Variants in SLC45A2 observed in about 807,000 individuals in gnomAD.
SLC45A2 encodes solute carrier family 45 member 2, also known as membrane-associated transporter protein.
Under a neutral mutation model 45.5 loss-of-function variants are expected in SLC45A2, and 36 were observed. The observed-to-expected ratio is 0.79, with a 90% CI of 0.61 to 1.04. SLC45A2 has a LOEUF of 1.04. SLC45A2 is among the 50% of genes least tolerant of loss of function. The pLI, the probability that SLC45A2 is intolerant of heterozygous loss-of-function variation, is 0.00. For synonymous variants in SLC45A2, 306 were observed against 269.3 expected, an observed-to-expected ratio of 1.14 and a Z score of -1.33; for missense variants, 719 against 671.0, an observed-to-expected ratio of 1.07 and a Z score of -0.79.
intron 2 of SLC45A2, among the ~76,000 whole-genome samples, chr5:33,976,973 A>T (rs1205393241): frequency 6.6e-6 from 1 of 152,084 alleles, no homozygotes; most frequent in Non-Finnish European, 1.5e-5. Context: ...TCCTGTGTTG[A>T]TACTCTAACC....
At chr5:33,949,707 T>C (rs1468517590) in intron 5 of SLC45A2, among the ~76,000 whole-genome samples, 1 of 152,216 alleles carries the variant, frequency 6.6e-6, no homozygotes, top group East Asian at 1.9e-4. Context: ...AATAAAACTT[T>C]GGAAAACTAT....
chr5:33,945,817 G>C lies in SLC45A2; in HGVS notation c.1369-945C>G, dbSNP rs116232277. Reference sequence around the variant, plus strand: ...TTAGGCAAAAAAAAAGCATTATGCTGAAAAACGCATATTATCCTTTGAATA... The same window carrying C: ...TTAGGCAAAAAAAAAGCATTATGCTCAAAAACGCATATTATCCTTTGAATA... On this transcript the variant is annotated intron_variant, in intron 6 of 6. Coordinates refer to ENST00000296589, the MANE Select transcript of SLC45A2 (RefSeq NM_016180.5). The C allele has an allele frequency of 2.6e-3, 1,183 of 456,452 alleles. 4 individuals carry two copies. Among genetic ancestry groups the C allele is most frequent in the Middle Eastern group, 5.6e-3 (5 of 894 alleles). The allele number at this position is 456,452 out of a possible 1,614,324, so 28.3% of individuals were successfully genotyped here.
At chr5:33,975,405 A>C (rs1752898748) in intron 2 of SLC45A2, among the ~76,000 whole-genome samples, 1 of 152,208 alleles carries the variant, frequency 6.6e-6, no homozygotes, top group South Asian at 2.1e-4. Flanking sequence ...CGAATCTTGC[A>C]GGAGGGGTAG....
chr5:33,969,359 G>A (rs573279132), intron 2 of SLC45A2, among the ~76,000 whole-genome samples: 1 of 151,936 alleles, frequency 6.6e-6, no homozygotes, highest in African/African-American at 2.4e-5. Context: ...AAGCTGATCT[G>A]ATATTTCTTT....
chr5:33,962,581 C>G (rs546847671), intron 3 of SLC45A2, among the ~76,000 whole-genome samples: 1 of 152,230 alleles, frequency 6.6e-6, no homozygotes, highest in Admixed American at 6.5e-5. Flanking sequence ...CTAAACCCAA[C>G]AGCTTATTAT....
At chr5:33,951,981 C>T (rs1752115675) in intron 4 of SLC45A2, among the ~76,000 whole-genome samples, 1 of 152,180 alleles carries the variant, frequency 6.6e-6, no homozygotes, top group Non-Finnish European at 1.5e-5. Context: ...TCTTCTGCTA[C>T]AGCCAATCGG....
intron 3 of SLC45A2, among the ~76,000 whole-genome samples, chr5:33,960,648 T>C (rs535198443): frequency 1.1e-4 from 17 of 152,214 alleles, no homozygotes; most frequent in African/African-American, 4.1e-4. Flanking sequence ...AGACTACAAA[T>C]TGGGTGCAGT....
At chr5:33,950,325 G>T (rs1752061656) in intron 5 of SLC45A2, among the ~76,000 whole-genome samples, 1 of 152,218 alleles carries the variant, frequency 6.6e-6, no homozygotes, top group African/African-American at 2.4e-5. Flanking sequence ...TATTTTAAGT[G>T]CTTGAAATCT....
chr5:33,960,078 A>T (rs1486298833), intron 3 of SLC45A2, among the ~76,000 whole-genome samples: 2 of 152,126 alleles, frequency 1.3e-5, no homozygotes, highest in African/African-American at 4.8e-5. Flanking sequence ...GGTATCCTAG[A>T]TTGGATCAGA....
intron 4 of SLC45A2, among the ~76,000 whole-genome samples, chr5:33,952,593 G>T (rs1463479529): frequency 6.6e-6 from 1 of 151,616 alleles, no homozygotes; most frequent in African/African-American, 2.4e-5. Context: ...CCCCTTGGAA[G>T]ACTTTGCAGG....
At chr5:33,969,695 A>G (rs185583234) in intron 2 of SLC45A2, among the ~76,000 whole-genome samples, 1 of 152,280 alleles carries the variant, frequency 6.6e-6, no homozygotes, top group African/African-American at 2.4e-5. Context: ...GTGCACACAT[A>G]TTGGTAAATC....
At chr5:33,955,742 T>C (rs959213763) in intron 3 of SLC45A2, among the ~76,000 whole-genome samples, 4 of 152,214 alleles carry the variant, frequency 2.6e-5, no homozygotes, top group South Asian at 2.1e-4. Context: ...CAAAAATTTT[T>C]TGAAGCAATA....
intron 3 of SLC45A2, among the ~76,000 whole-genome samples, chr5:33,960,349 C>T (rs906608693): frequency 6.6e-6 from 1 of 151,674 alleles, no homozygotes; most frequent in Non-Finnish European, 1.5e-5. Flanking sequence ...GTTGGTTCCA[C>T]GTTTTTGCAA....
intron 2 of SLC45A2, among the ~76,000 whole-genome samples, chr5:33,969,063 C>CTGTGTGTGTGTG (rs1400585496): frequency 4.3e-4 from 27 of 62,852 alleles, no homozygotes; most frequent in African/African-American, 1.4e-3. Context: ...CTCTCTCTCT[C>CTGTGTGTGTGTG]TCTGTGTGTG....
In SLC45A2 at chr5:33,954,451, A is replaced by C; in HGVS notation, c.942T>G (p.Pro314=). The stretch of plus-strand genomic sequence containing the variant: ...TGATGCAAAGGTAGCGGTAGTGAGG[A>C]GGCATGTTCACCAGTGCTCTCAGCA... The part of the protein sequence containing the change: ...KSLLRALVNM[P]PHYRYLCISH... The change falls in exon 4 of 7, where the codon CCT becomes CCG. Residue 314 remains proline, a synonymous_variant. Transcript: ENST00000296589. 1 of 1,614,106 alleles carries C rather than the reference A, an allele frequency of 6.2e-7. No individual in the cohort carries two copies. The highest frequency in any genetic ancestry group is 8.5e-7 in the Non-Finnish European group (1 of 1,180,008).
At chr5:33,946,140 G>C in intron 6 of SLC45A2, 1 of 985,428 alleles carries the variant, frequency 1.0e-6, no homozygotes. Context: ...CTGAAGCGTA[G>C]GTTTTCTTCC....
intron 2 of SLC45A2, among the ~76,000 whole-genome samples, chr5:33,970,089 G>A (rs144030245): frequency 6.6e-6 from 1 of 152,184 alleles, no homozygotes; most frequent in Non-Finnish European, 1.5e-5. Flanking sequence ...CTGCAGACTA[G>A]AAGTCATCAG....
Position 33,947,302 on chromosome 5 carries a change from A to T in SLC45A2, c.1229T>A (p.Leu410Gln). Residue 410 changes from leucine (L) to glutamine (Q), a missense_variant, in exon 6 of 7, where the codon CTG becomes CAG. Coordinates refer to ENST00000296589, the MANE Select transcript of SLC45A2 (RefSeq NM_016180.5). ...GAAGAGCCCAATAAATCCCGTCCCC[A>T]GGCCAAACAGCAAATATCCCGTGAA... ...LYFTGYLLFG[L>Q]GTGFIGLFPN... 4.3e-6 allele frequency: 7 copies of T among 1,614,250 alleles called. No homozygotes were observed. The highest frequency in any genetic ancestry group is 5.9e-6 in the Non-Finnish European group (7 of 1,180,046).
Position 33,982,517 on chromosome 5 carries a change from T to C in SLC45A2, c.386-105A>G, listed in dbSNP as rs1378113414. ...GCCATAAAATCATCTTCCTTGCTTT[T>C]ATTTTGCTTTTTTCCAAATAAAAAT... On this transcript the variant is annotated intron_variant, in intron 1 of 6. Coordinates refer to ENST00000296589, the MANE Select transcript of SLC45A2 (RefSeq NM_016180.5). 8.4e-6 allele frequency: 10 copies of C among 1,189,582 alleles called. No homozygotes were observed. In the East Asian group the frequency reaches 2.0e-4, roughly 24 times the overall value. 73.7% of individuals were successfully genotyped at this position (1,189,582 alleles called of 1,614,324 possible).
Sources: allele counts gnomAD v4.1 joint callset (sites outside exome capture counted in the v4.1 genomes callset), GRCh38; gene constraint gnomAD v4.1.1; transcripts MANE v1.5; gene names NCBI Gene and HGNC (gene_info 2026-07-23, HGNC 2026-07-21).